Variants in ELP5 observed in about 807,000 individuals in gnomAD.
ELP5 encodes elongator complex protein 5.
ELP5 carries 34 observed loss-of-function variants against 33.4 expected under a neutral mutation model. That is an observed-to-expected ratio of 1.02 (90% CI 0.78 to 1.36). The LOEUF is 1.36. Among genes scored for constraint, ELP5 ranks in the 40% most tolerant of loss-of-function variants. ELP5 has a pLI of 0.00. For missense variants in ELP5, 373 were observed against 371.7 expected (o/e 1.00, Z -0.03); for synonymous variants, 161 against 146.4 (o/e 1.10, Z -0.72).
At chr17:7,257,431 GT>G (rs5819151) in intron 5 of ELP5, among the ~76,000 whole-genome samples, 86,614 of 139,128 alleles carry the variant, frequency 0.62, 26,265 homozygotes, top group Middle Eastern at 0.74. Flanking sequence ...TTCCCTTGGA[GT>G]TTTTTTTTTT....
intron 5 of ELP5, among the ~76,000 whole-genome samples, 168 bp downstream of exon 5, chr17:7,257,206 A>C (rs1362280031): frequency 6.6e-6 from 1 of 152,176 alleles, no homozygotes; most frequent in Non-Finnish European, 1.5e-5. Context: ...TCTGGGCTCA[A>C]GTGATCCTTC....
In ELP5 at chr17:7,259,653, CAAG is replaced by C. The variant is rs1280026325; in HGVS notation, c.876_878del (p.Glu292del). On this transcript the variant is annotated inframe_deletion, in exon 8 of 8. Transcript: ENST00000396628. The stretch of plus-strand genomic sequence containing the variant: ...GCCAGATGCTTATGATGACCTGGAC[CAAG>C]AAGACCCAGATGACGACCTGGATAT... 1 of 1,614,224 alleles carries C rather than the reference CAAG, an allele frequency of 6.2e-7. No individual in the cohort carries two copies. Among genetic ancestry groups the C allele is most frequent in the African/African-American group, 1.3e-5 (1 of 75,054 alleles).
At chr17:7,253,300 A>G (rs2071995231) in intron 3 of ELP5, among the ~76,000 whole-genome samples, 1 of 152,220 alleles carries the variant, frequency 6.6e-6, no homozygotes. Flanking sequence ...TGTACCGAGC[A>G]CCAACTATCA....
At chr17:7,257,520 T>C (rs2072104960) in intron 5 of ELP5, among the ~76,000 whole-genome samples, 1 of 150,004 alleles carries the variant, frequency 6.7e-6, no homozygotes, top group African/African-American at 2.4e-5. Flanking sequence ...AGCTTTGACC[T>C]CCCATGTTCA....
At chr17:7,257,063 C>T (rs770773106) in intron 5 of ELP5, 25 bp downstream of exon 5, 2 of 1,525,078 alleles carry the variant, frequency 1.3e-6, no homozygotes, top group Admixed American at 2.1e-5. Context: ...CAGAGAAGGA[C>T]TGGAAACGGG....
Position 7,253,063 on chromosome 17 carries a change from C to G in ELP5, c.188+65C>G, listed in dbSNP as rs1311420663. On this transcript the variant is annotated intron_variant, in intron 3 of 7. Transcript: ENST00000396628. ...CTATAATGCTAAGGAAATTTCTTTA[C>G]AACAAGCGCAGAACCTGGTATGTAG... is the stretch of plus-strand genomic sequence containing the variant. The G allele has an allele frequency of 5.3e-6, 8 of 1,497,752 alleles. No individual in the cohort carries two copies. The East Asian group carries it at 1.8e-4, about 34-fold the overall frequency. 92.8% of individuals were successfully genotyped at this position (1,497,752 alleles called of 1,614,324 possible). A position where few individuals can be genotyped will look rare whatever the true frequency, so the allele number is the denominator to read the frequency against.
chr17:7,254,134 A>C (rs1470195756), intron 3 of ELP5, among the ~76,000 whole-genome samples: 1 of 152,114 alleles, frequency 6.6e-6, no homozygotes, highest in African/African-American at 2.4e-5. Context: ...TTAATTCTTG[A>C]CTTTCTTTAA....
chr17:7,252,689 C>T, intron 1 of ELP5, 81 bp from the exon 2 acceptor site: 2 of 1,608,164 alleles, frequency 1.2e-6, no homozygotes, highest in Non-Finnish European at 1.7e-6. Flanking sequence ...GGGTCACAGG[C>T]TAGGTGTGGA....
rs1468916998 is a variant in ELP5, at chr17:7,252,788, G to A, written c.65G>A (p.Gly22Glu). The A allele has an allele frequency of 3.1e-6, 5 of 1,614,238 alleles. No homozygotes were observed. The highest frequency in any genetic ancestry group is 1.3e-5 in the African/African-American group (1 of 75,064). Residue 22 changes from glycine to glutamate, a missense_variant, in exon 2 of 8, where the codon GGG becomes GAG. Gly to Glu is a moderately conservative substitution (Grantham distance 98, BLOSUM62 -2). Coordinates refer to ENST00000396628, the MANE Select transcript of ELP5 (RefSeq NM_203414.3). ...TCTGCAGATTCCGTGGAGTGGGAGG[G>A]GCGCAGTCTCTTGAAGGCGCTTGTC... is the stretch of plus-strand genomic sequence containing the variant. The part of the protein sequence containing the change: ...VLLRDSVEWE[G>E]RSLLKALVKK...
At chr17:7,259,311 G>C in intron 7 of ELP5, 1 of 1,385,946 alleles carries the variant, frequency 7.2e-7, no homozygotes, top group Non-Finnish European at 9.3e-7. Flanking sequence ...GTATGTGGGC[G>C]GATGACGCAA....
rs2071976241 is a variant in ELP5, at chr17:7,252,789, G to A, written c.66G>A (p.Gly22=). The A allele has an allele frequency of 6.2e-7, 1 of 1,614,242 alleles. No individual in the cohort carries two copies. Among genetic ancestry groups the A allele is most frequent in the Non-Finnish European group, 8.5e-7 (1 of 1,180,042 alleles). ...CTGCAGATTCCGTGGAGTGGGAGGG[G>A]CGCAGTCTCTTGAAGGCGCTTGTCA... ...VLLRDSVEWE[G]RSLLKALVKK... The change falls in exon 2 of 8, where the codon GGG becomes GGA. Residue 22 remains glycine, a synonymous_variant. Coordinates refer to ENST00000396628, the MANE Select transcript of ELP5 (RefSeq NM_203414.3).
At chr17:7,257,937 G>T (rs1177271429) in intron 5 of ELP5, among the ~76,000 whole-genome samples, 1 of 151,928 alleles carries the variant, frequency 6.6e-6, no homozygotes, top group African/African-American at 2.4e-5. Flanking sequence ...GCATAGTGGT[G>T]GGTGCCTGTA....
intron 7 of ELP5, 54 bp from the exon 8 acceptor site, chr17:7,259,517 A>G: frequency 1.9e-6 from 3 of 1,609,670 alleles, no homozygotes; most frequent in Non-Finnish European, 2.5e-6. Context: ...GGAAGAAAGT[A>G]TCCAGACCCA....
intron 4 of ELP5, chr17:7,255,048 T>G: frequency 1.7e-6 from 1 of 573,654 alleles, no homozygotes; most frequent in Non-Finnish European, 3.1e-6. Flanking sequence ...AACAAATCAA[T>G]AGTAAATATA....
intron 4 of ELP5, among the ~76,000 whole-genome samples, chr17:7,256,479 A>C (rs1022612991): frequency 6.6e-6 from 1 of 152,216 alleles, no homozygotes; most frequent in Admixed American, 6.5e-5. Context: ...AATGCTCCCA[A>C]AAAGGGAGGC....
Position 7,252,991 on chromosome 17 carries a change from A to T in ELP5, c.181A>T (p.Asn61Tyr), listed in dbSNP as rs2071985308. The change falls in exon 3 of 8, where the codon AAC becomes TAC. Residue 61 changes from asparagine (N) to tyrosine (Y), a missense_variant. By Grantham distance (143) the Asn-to-Tyr change is moderately radical. Transcript: ENST00000396628. The stretch of plus-strand genomic sequence containing the variant: ...TCGTGAAGGTTTTGACTCTGATATC[A>T]ACAATCGGTAAGTACCAGTTGGAAG... ...EFREGFDSDI[N>Y]NRLVYHDFFR... 4 of 1,614,140 alleles carry T rather than the reference A, an allele frequency of 2.5e-6. No individual in the cohort carries two copies. In the East Asian group the frequency reaches 8.9e-5, roughly 36 times the overall value.
chr17:7,259,911 A>G lies in ELP5; in HGVS notation c.*226A>G. 1 of 515,848 alleles carries G rather than the reference A, an allele frequency of 1.9e-6. No individual in the cohort carries two copies. 32.0% of individuals were successfully genotyped at this position (515,848 alleles called of 1,614,324 possible). A position where few individuals can be genotyped will look rare whatever the true frequency, so the allele number is the denominator to read the frequency against. On this transcript the variant is annotated 3_prime_UTR_variant, in exon 8 of 8. Coordinates refer to ENST00000396628, the MANE Select transcript of ELP5 (RefSeq NM_203414.3). ...AGAGTAGAACACCCCCGTACCTAAT[A>G]AAAATCTTTATTTTTTTATTAAAAA...
At chr17:7,257,315 C>CT (rs1373518235) in intron 5 of ELP5, among the ~76,000 whole-genome samples, 1 of 151,906 alleles carries the variant, frequency 6.6e-6, no homozygotes, top group East Asian at 1.9e-4. Context: ...AGGTATTTCT[C>CT]TGTTTTCTAT....
intron 1 of ELP5, 46 bp downstream of exon 1, chr17:7,252,642 C>G: frequency 6.2e-7 from 1 of 1,603,166 alleles, no homozygotes; most frequent in Non-Finnish European, 8.5e-7. Context: ...GCGGTTCGGG[C>G]CTGGCTGAGG....
Sources: gnomAD v4.1 joint callset for allele counts (sites outside exome capture counted in the v4.1 genomes callset) on GRCh38, gnomAD v4.1.1 for gene constraint, MANE v1.5 for transcripts, NCBI Gene and HGNC (gene_info 2026-07-23, HGNC 2026-07-21) for gene names.